Variants in TIAM2 observed in about 807,000 individuals in gnomAD.
The protein encoded by TIAM2 is rho guanine nucleotide exchange factor TIAM2.
A neutral mutation model predicts 152.9 loss-of-function variants in TIAM2; 80 were observed. The ratio of observed to expected loss-of-function variants is 0.52; its 90% CI spans 0.44 to 0.63. TIAM2 has a LOEUF of 0.63. Ranked by LOEUF, TIAM2 falls within the 30% of genes least tolerant of loss-of-function variation. The probability of loss-of-function intolerance (pLI) is 0.00; values close to 1 mark genes in which losing one functional copy is unlikely to be tolerated. For missense variants in TIAM2, 1,965 were observed against 2,120.1 expected, an observed-to-expected ratio of 0.93 and a Z score of 1.44; for synonymous variants, 804 against 838.0, an observed-to-expected ratio of 0.96 and a Z score of 0.70.
At chr6:155,165,859 A>G (rs765355893) in intron 9 of TIAM2, among the ~76,000 whole-genome samples, 5 of 152,036 alleles carry the variant, frequency 3.3e-5, no homozygotes, top group African/African-American at 9.7e-5. Flanking sequence ...TTTTAACCCA[A>G]CGAAACTGCA....
At chr6:155,192,787 G>GGC (rs2115169332) in intron 14 of TIAM2, among the ~76,000 whole-genome samples, 1 of 152,272 alleles carries the variant, frequency 6.6e-6, no homozygotes, top group East Asian at 1.9e-4. Context: ...GTTATTTAAA[G>GGC]AAAATTCATT....
At chr6:155,148,893 C>G (rs1339308930) in intron 7 of TIAM2, among the ~76,000 whole-genome samples, 1 of 152,118 alleles carries the variant, frequency 6.6e-6, no homozygotes, top group Non-Finnish European at 1.5e-5. Flanking sequence ...GAAGGGAAAA[C>G]AGTTTGAAAA....
rs1271650582 is a variant in TIAM2, at chr6:155,053,741, G to T, written c.-208-36548G>T. On this transcript the variant is annotated intron_variant, in intron 1 of 26. Coordinates refer to ENST00000682666, the MANE Select transcript of TIAM2 (RefSeq NM_012454.4). ...CTGCCTCAGCTTCCCAAAGTACTGGGATTACAGGAATGAGCCACTACGCCT... is the reference window on the plus strand; with the variant it reads ...CTGCCTCAGCTTCCCAAAGTACTGGTATTACAGGAATGAGCCACTACGCCT... 2.0e-5 allele frequency among the ~76,000 whole-genome samples: 3 copies of T among 152,106 alleles called. No homozygotes were observed. In the East Asian group the frequency reaches 5.8e-4, roughly 29 times the overall value.
chr6:155,243,319 G>C (rs1461603423), intron 16 of TIAM2, among the ~76,000 whole-genome samples: 1 of 152,168 alleles, frequency 6.6e-6, no homozygotes, highest in Non-Finnish European at 1.5e-5. Flanking sequence ...TGAGGCAGAA[G>C]AGGCCAGGAG....
At chr6:155,199,937 T>G (rs1055137085) in intron 14 of TIAM2, among the ~76,000 whole-genome samples, 1 of 152,218 alleles carries the variant, frequency 6.6e-6, no homozygotes, top group Admixed American at 6.5e-5. Flanking sequence ...AATCAAGGTA[T>G]AGAGACACAT....
chr6:155,119,287 G>A (rs563529901), intron 2 of TIAM2, among the ~76,000 whole-genome samples: 85 of 151,792 alleles, frequency 5.6e-4, no homozygotes, highest in Admixed American at 1.8e-3. Flanking sequence ...CACCAGCCTC[G>A]GCCTCCCAAA....
Position 155,174,770 on chromosome 6 carries a change from A to G in TIAM2, c.2362-2046A>G, listed in dbSNP as rs1490660712. Among the ~76,000 whole-genome samples the G allele has an allele frequency of 1.3e-5, 2 of 152,210 alleles. No individual in the cohort carries two copies. The highest frequency in any genetic ancestry group is 2.1e-4 in the South Asian group (1 of 4,824). On this transcript the variant is annotated intron_variant, in intron 9 of 26. Coordinates refer to ENST00000682666, the MANE Select transcript of TIAM2 (RefSeq NM_012454.4). This position sits in a 1 kb window ranked among gnomAD's most constrained non-coding sequence, Gnocchi z 4.2. ...GCTCATGTTCCTCCCACACCTGTTT[A>G]TCCATAATTACGTTCTTCCTGATCT...
chr6:155,144,959 A>G (rs1779789777), intron 6 of TIAM2, among the ~76,000 whole-genome samples, 181 bp downstream of exon 6: 1 of 152,208 alleles, frequency 6.6e-6, no homozygotes, highest in South Asian at 2.1e-4. Context: ...TCAGCAATCC[A>G]GTCATTCATC....
intron 2 of TIAM2, among the ~76,000 whole-genome samples, chr6:155,100,491 T>A (rs1282262451): frequency 1.3e-5 from 2 of 152,110 alleles, no homozygotes; most frequent in Non-Finnish European, 2.9e-5. Context: ...AGATGTAGAG[T>A]GCAACAAACA....
chr6:155,142,388 C>T (rs772237102), intron 5 of TIAM2, among the ~76,000 whole-genome samples: 18 of 152,302 alleles, frequency 1.2e-4, no homozygotes, highest in Admixed American at 9.1e-4. Context: ...GGTTTGGTGA[C>T]ATTTTGGCAT....
chr6:155,057,411 A>G (rs1418663844), intron 1 of TIAM2, among the ~76,000 whole-genome samples: 1 of 151,908 alleles, frequency 6.6e-6, no homozygotes, highest in Non-Finnish European at 1.5e-5. Flanking sequence ...CATTGTTATC[A>G]CGTGATATCA....
intron 1 of TIAM2, among the ~76,000 whole-genome samples, chr6:155,000,798 A>G (rs890245073): frequency 6.6e-5 from 10 of 152,214 alleles, no homozygotes; most frequent in Non-Finnish European, 1.2e-4. Flanking sequence ...AGCCTGGCCA[A>G]CATGGTGAAA....
At chr6:155,024,420 T>G (rs548015861) in intron 1 of TIAM2, among the ~76,000 whole-genome samples, 2 of 152,268 alleles carry the variant, frequency 1.3e-5, no homozygotes, top group Admixed American at 1.3e-4. Flanking sequence ...TTGTGCATTT[T>G]TTTTTTCCCT....
intron 1 of TIAM2, among the ~76,000 whole-genome samples, chr6:155,085,671 AT>A (rs1252351410): frequency 1.3e-5 from 2 of 152,354 alleles, no homozygotes; most frequent in African/African-American, 4.8e-5. Flanking sequence ...ACCACTTTTC[AT>A]CACAAAGCTC....
intron 1 of TIAM2, among the ~76,000 whole-genome samples, chr6:155,057,227 C>A (rs1777473854): frequency 6.6e-6 from 1 of 151,448 alleles, no homozygotes; most frequent in South Asian, 2.1e-4. Flanking sequence ...TAAATTAGAA[C>A]CGGTTTTCAC....
intron 9 of TIAM2, among the ~76,000 whole-genome samples, chr6:155,169,353 A>G (rs1276822252): frequency 6.6e-6 from 1 of 152,202 alleles, no homozygotes; most frequent in Non-Finnish European, 1.5e-5. Context: ...CTCCTTGAAA[A>G]TAGATTTATA....
chr6:155,149,056 C>G (rs923143), intron 7 of TIAM2: 80,968 of 166,746 alleles, frequency 0.49, 19,891 homozygotes, highest in Middle Eastern at 0.55. Context: ...AGGGACAACG[C>G]CAGCCTGGAG....
Position 155,129,162 on chromosome 6 carries a change from C to T in TIAM2, c.-6-56C>T, listed in dbSNP as rs181768689. The T allele has an allele frequency of 2.8e-4, 424 of 1,508,300 alleles. 2 individuals carry two copies. In the African/African-American group the frequency reaches 5.5e-3, roughly 20 times the overall value. The allele number at this position is 1,508,300 out of a possible 1,614,324, so 93.4% of individuals were successfully genotyped here. On this transcript the variant is annotated intron_variant, in intron 3 of 26. Coordinates refer to ENST00000682666, the MANE Select transcript of TIAM2 (RefSeq NM_012454.4). This position sits in a 1 kb window ranked among gnomAD's most constrained non-coding sequence, Gnocchi z 4.8. Reference sequence around the variant, plus strand: ...GGGCATTCTTTTTAGAAAGTTCTGTCATAATGGAATGTAATTTAGGCCACG... The same window carrying T: ...GGGCATTCTTTTTAGAAAGTTCTGTTATAATGGAATGTAATTTAGGCCACG...
At chr6:155,197,371 G>T (rs995881893) in intron 14 of TIAM2, among the ~76,000 whole-genome samples, 2 of 152,126 alleles carry the variant, frequency 1.3e-5, no homozygotes, top group Non-Finnish European at 2.9e-5. Flanking sequence ...AACATTTATT[G>T]AATTTTGTCA....
Sources: allele counts gnomAD v4.1 joint callset (sites outside exome capture counted in the v4.1 genomes callset), GRCh38; gene constraint gnomAD v4.1.1; non-coding constraint Gnocchi (gnomAD v3.1); transcripts MANE v1.5; gene names NCBI Gene and HGNC (gene_info 2026-07-23, HGNC 2026-07-21).